ACTR1A: variants seen among roughly 807,000 people sequenced by gnomAD.
ACTR1A encodes actin related protein 1A, also known as alpha-centractin.
In ACTR1A, 10 loss-of-function variants were observed where a neutral mutation model predicts 50.7. The observed-to-expected ratio is 0.20, with a 90% CI of 0.12 to 0.33. The LOEUF (loss-of-function observed/expected upper bound fraction) is 0.33, where lower values mean the gene tolerates loss of function less well. Ranked by LOEUF, ACTR1A falls within the 10% of genes least tolerant of loss-of-function variation. The pLI is 1.00. For synonymous variants in ACTR1A, 177 were observed against 184.2 expected (o/e 0.96, Z 0.32); for missense variants, 253 against 491.7 (o/e 0.51, Z 4.59).
At chr10:102,481,970 C>T in intron 8 of ACTR1A, 31 bp downstream of exon 8, 3 of 1,614,004 alleles carry the variant, frequency 1.9e-6, no homozygotes, top group East Asian at 2.2e-5. Context: ...TGAACACTTC[C>T]AGGGGAAGGG....
chr10:102,492,130 G>T (rs2062197932), intron 1 of ACTR1A, among the ~76,000 whole-genome samples: 1 of 139,974 alleles, frequency 7.1e-6, no homozygotes, highest in South Asian at 2.2e-4. Flanking sequence ...GAGTGTGGTG[G>T]CACAATCTCA....
intron 1 of ACTR1A, among the ~76,000 whole-genome samples, chr10:102,497,461 C>T (rs889607891): frequency 3.3e-5 from 5 of 152,086 alleles, no homozygotes; most frequent in African/African-American, 1.2e-4. Flanking sequence ...GCTTGCTCCT[C>T]CTATACTCCC....
Position 102,482,768 on chromosome 10 carries a change from C to T in ACTR1A, c.750+243G>A. On this transcript the variant is annotated intron_variant, in intron 7 of 10. Coordinates refer to ENST00000369905, the MANE Select transcript of ACTR1A (RefSeq NM_005736.4). This position sits in a 1 kb window ranked among gnomAD's most constrained non-coding sequence, Gnocchi z 5.6. ...ACATAATATACACTAACACTAATGA[C>T]AGCTGCTGAGCTAAAAAAAAAAATT... 1 of 532,708 alleles carries T rather than the reference C, an allele frequency of 1.9e-6. No individual in the cohort carries two copies. 33.0% of individuals were successfully genotyped at this position (532,708 alleles called of 1,614,324 possible). A position where few individuals can be genotyped will look rare whatever the true frequency, so the allele number is the denominator to read the frequency against.
At chr10:102,490,682 G>T (rs970665082) in intron 1 of ACTR1A, 69 bp from the exon 2 acceptor site, 4 of 1,305,926 alleles carry the variant, frequency 3.1e-6, no homozygotes, top group Non-Finnish European at 3.3e-6. Flanking sequence ...TACATTATAT[G>T]GTACCATTTT....
chr10:102,479,583 A>G lies in ACTR1A; in HGVS notation c.*1280T>C, dbSNP rs1187359713. ...ACTCCTAGGAGTCAGGCCTGGCTCCATTAGCTCCTGGCACTCTGGTCTGGC... is the reference window on the plus strand; with the variant it reads ...ACTCCTAGGAGTCAGGCCTGGCTCCGTTAGCTCCTGGCACTCTGGTCTGGC... On this transcript the variant is annotated 3_prime_UTR_variant, in exon 11 of 11. Coordinates refer to ENST00000369905, the MANE Select transcript of ACTR1A (RefSeq NM_005736.4). This position sits in a 1 kb window ranked among gnomAD's most constrained non-coding sequence, Gnocchi z 4.0. 8 of 1,288,248 alleles carry G rather than the reference A, an allele frequency of 6.2e-6. No homozygotes were observed. The East Asian group carries it at 4.4e-4, about 72-fold the overall frequency. The allele number at this position is 1,288,248 out of a possible 1,614,324, so 79.8% of individuals were successfully genotyped here.
intron 1 of ACTR1A, among the ~76,000 whole-genome samples, chr10:102,497,445 A>C (rs1340545881): frequency 2.0e-5 from 3 of 152,006 alleles, no homozygotes; most frequent in Non-Finnish European, 4.4e-5. Flanking sequence ...GGATCTAGGC[A>C]TGGTGGCTTG....
At chr10:102,496,836 T>C (rs938838345) in intron 1 of ACTR1A, among the ~76,000 whole-genome samples, 3 of 151,998 alleles carry the variant, frequency 2.0e-5, no homozygotes, top group African/African-American at 7.3e-5. Context: ...GATTAAGGGG[T>C]TCTTGTTGAT....
At chr10:102,486,010 A>G (rs1414849694) in intron 4 of ACTR1A, among the ~76,000 whole-genome samples, 1 of 152,032 alleles carries the variant, frequency 6.6e-6, no homozygotes, top group East Asian at 1.9e-4. Flanking sequence ...CCCTGTGTCT[A>G]CTGTGTATCT....
intron 5 of ACTR1A, among the ~76,000 whole-genome samples, chr10:102,484,633 C>A (rs1456205326): frequency 6.6e-6 from 1 of 152,180 alleles, no homozygotes; most frequent in Admixed American, 6.5e-5. Context: ...GATGGCCTGG[C>A]CTTCAGCTGC....
chr10:102,493,001 C>CAAAAAAAAAAAAAAAAAAAAAA lies in ACTR1A; in HGVS notation c.49-2410_49-2389dup, dbSNP rs398014648. Among the ~76,000 whole-genome samples the CAAAAAAAAAAAAAAAAAAAAAA allele has an allele frequency of 1.8e-3, 89 of 48,920 alleles. 11 individuals carry two copies. The highest frequency in any genetic ancestry group is 2.3e-3 in the Non-Finnish European group (69 of 29,668). 32.1% of individuals were successfully genotyped at this position (48,920 alleles called of 152,430 possible). ...AGGGAGACAGAGTGAGACTCCACCT[C>CAAAAAAAAAAAAAAAAAAAAAA]AAAAAAAAAAAAAAAAAAAAAAAGA... On this transcript the variant is annotated intron_variant, in intron 1 of 10. Coordinates refer to ENST00000369905, the MANE Select transcript of ACTR1A (RefSeq NM_005736.4).
rs2062138679 is a variant in ACTR1A at position 102,481,172 on chromosome 10, T to A, written c.988A>T (p.Ile330Leu). ...KLAPKDVKIRISAPQERLYST... is the reference protein window; with the variant it reads ...KLAPKDVKIRLSAPQERLYST... The stretch of plus-strand genomic sequence containing the variant: ...TACAGTCTCTCCTGAGGTGCAGATA[T>A]CTGCAAAGGTGGGGGAAAGAGGAAT... The change falls in exon 10 of 11, where the codon ATA (isoleucine) becomes TTA (leucine). Residue 330 changes from isoleucine (I) to leucine (L), a missense_variant and splice_region_variant. Transcript: ENST00000369905. The A allele has an allele frequency of 1.3e-6, 2 of 1,590,330 alleles. No homozygotes were observed. The highest frequency in any genetic ancestry group is 1.4e-5 in the African/African-American group (1 of 73,966).
In ACTR1A at chr10:102,482,974, A is replaced by T; in HGVS notation, c.750+37T>A. ...CTGGTTGGGCCCAGAGCTTTTGTGG[A>T]CCTAAGGGGACCGAAGAAAGAAGGC... On this transcript the variant is annotated intron_variant, in intron 7 of 10. Transcript: ENST00000369905. This position sits in a 1 kb window ranked among gnomAD's most constrained non-coding sequence, Gnocchi z 5.6. 1 of 1,531,056 alleles carries T rather than the reference A, an allele frequency of 6.5e-7. No homozygotes were observed. Among genetic ancestry groups the T allele is most frequent in the South Asian group, 1.1e-5 (1 of 89,364 alleles). 94.8% of individuals were successfully genotyped at this position (1,531,056 alleles called of 1,614,324 possible).
In ACTR1A at chr10:102,488,504, T is replaced by C. The variant is rs1172067696; in HGVS notation, c.190-229A>G. Among the ~76,000 whole-genome samples the C allele has an allele frequency of 6.6e-6, 1 of 152,244 alleles. No individual in the cohort carries two copies. The highest frequency in any genetic ancestry group is 1.5e-5 in the Non-Finnish European group (1 of 68,050). ...GAGGAGCCGGCAAAGCAGGGGCTTC[T>C]GCATTTCCATGGCCCCTCAGGTGCC... On this transcript the variant is annotated intron_variant, in intron 3 of 10. Transcript: ENST00000369905. This position sits in a 1 kb window ranked among gnomAD's most constrained non-coding sequence, Gnocchi z 4.4.
chr10:102,481,938 G>A (rs1181963025), intron 8 of ACTR1A, 40 bp from the exon 9 acceptor site: 1 of 1,613,598 alleles, frequency 6.2e-7, no homozygotes, highest in Non-Finnish European at 8.5e-7. Flanking sequence ...CAATTCTCAG[G>A]GTGCCTGGAG....
chr10:102,483,248 G>A, intron 6 of ACTR1A, 145 bp from the exon 7 acceptor site: 2 of 687,060 alleles, frequency 2.9e-6, no homozygotes, highest in Non-Finnish European at 5.3e-6. Flanking sequence ...CCCAGAAGCA[G>A]GGGCAGTGAG....
chr10:102,497,556 T>C lies in ACTR1A; in HGVS notation c.48+5044A>G, dbSNP rs80230108. Among the ~76,000 whole-genome samples, 35 of 151,876 alleles carry C rather than the reference T, an allele frequency of 2.3e-4. No homozygotes were observed. In the East Asian group the frequency reaches 6.8e-3, roughly 30 times the overall value. On this transcript the variant is annotated intron_variant, in intron 1 of 10. Transcript: ENST00000369905. ...GAGCTACGACTGCAGCACTGCACTC[T>C]AATCTGGGTGATAGAGTGAGACCTC...
intron 1 of ACTR1A, among the ~76,000 whole-genome samples, chr10:102,493,001 CAAAAAAAAA>C (rs398014648): frequency 1.8e-4 from 9 of 48,930 alleles, no homozygotes; most frequent in East Asian, 6.2e-4. Context: ...GACTCCACCT[CAAAAAAAAA>C]AAAAAAAAAA....
chr10:102,496,217 G>A (rs533011708), intron 1 of ACTR1A, among the ~76,000 whole-genome samples: 13 of 152,288 alleles, frequency 8.5e-5, no homozygotes, highest in Non-Finnish European at 1.5e-4. Flanking sequence ...AGAATATCTG[G>A]CAACACTAGG....
intron 1 of ACTR1A, among the ~76,000 whole-genome samples, chr10:102,495,976 C>T (rs1283889204): frequency 2.8e-5 from 4 of 141,654 alleles, no homozygotes; most frequent in Non-Finnish European, 6.2e-5. Flanking sequence ...GACGCAGTCT[C>T]GCTCTGTTGC....
Sources: gnomAD v4.1 joint callset for allele counts (sites outside exome capture counted in the v4.1 genomes callset) on GRCh38, gnomAD v4.1.1 for gene constraint, Gnocchi (gnomAD v3.1) non-coding constraint, MANE v1.5 for transcripts, NCBI Gene and HGNC (gene_info 2026-07-23, HGNC 2026-07-21) for gene names.